NPAS2: variants seen among roughly 807,000 people sequenced by gnomAD.
The protein encoded by NPAS2 is neuronal PAS domain-containing protein 2.
A neutral mutation model predicts 107.5 loss-of-function variants in NPAS2; 23 were observed. That is an observed-to-expected ratio of 0.21 (90% CI 0.15 to 0.30). The LOEUF is 0.30. NPAS2 is among the 10% of genes least tolerant of loss of function. The pLI is 1.00. For missense variants in NPAS2, 756 were observed against 1,043.3 expected (o/e 0.72, Z 3.79); for synonymous variants, 403 against 417.5 (o/e 0.97, Z 0.42).
chr2:100,849,828 A>C lies in NPAS2; in HGVS notation c.-23+29414A>C, dbSNP rs144916255. Among the ~76,000 whole-genome samples, 421 of 152,218 alleles carry C rather than the reference A, an allele frequency of 2.8e-3. 5 individuals are homozygous for C. The highest frequency in any genetic ancestry group is 9.7e-3 in the African/African-American group (404 of 41,536). ...GTCCCACAGAGGTCCTATTGTCTGT[A>C]AGAATTTGATGTTGGCTAAAAGAGA... On this transcript the variant is annotated intron_variant, in intron 1 of 20. Transcript: ENST00000335681.
At chr2:100,950,841 C>G (rs564735121) in intron 7 of NPAS2, among the ~76,000 whole-genome samples, 1 of 152,296 alleles carries the variant, frequency 6.6e-6, no homozygotes, top group Admixed American at 6.5e-5. Flanking sequence ...AAGGCCTAAC[C>G]ATGCCTCATC....
At chr2:100,944,039 A>C (rs1674740590) in intron 5 of NPAS2, among the ~76,000 whole-genome samples, 1 of 152,126 alleles carries the variant, frequency 6.6e-6, no homozygotes, top group African/African-American at 2.4e-5. Flanking sequence ...TACTATTACA[A>C]AGTCAAAGCC....
At chr2:100,882,509 G>A (rs1284824676) in intron 1 of NPAS2, among the ~76,000 whole-genome samples, 2 of 152,198 alleles carry the variant, frequency 1.3e-5, no homozygotes, top group Non-Finnish European at 2.9e-5. Flanking sequence ...CTACTCGGGA[G>A]GCTGAGGCAG....
intron 5 of NPAS2, among the ~76,000 whole-genome samples, chr2:100,945,627 T>G (rs575283283): frequency 6.6e-6 from 1 of 152,048 alleles, no homozygotes; most frequent in African/African-American, 2.4e-5. Flanking sequence ...GGGCCCTGCT[T>G]CCCTGTGCAA....
At position 100,911,581 on chromosome 2, in the gene NPAS2, C is replaced by T. The variant is rs117875097; in HGVS notation, c.32+6795C>T. On this transcript the variant is annotated intron_variant, in intron 2 of 20. Transcript: ENST00000335681. ...TTAGAATCATACCACCTGGAGATAG[C>T]CACTGTTAATATTATAGCATATTCT... 1.4e-4 allele frequency among the ~76,000 whole-genome samples: 21 copies of T among 152,130 alleles called. No individual in the cohort carries two copies. The East Asian group carries it at 4.1e-3, about 29-fold the overall frequency.
At chr2:100,935,784 G>A (rs1387138198) in intron 4 of NPAS2, among the ~76,000 whole-genome samples, 2 of 152,116 alleles carry the variant, frequency 1.3e-5, no homozygotes, top group South Asian at 2.1e-4. Flanking sequence ...GGGCTTCATA[G>A]ATGACTTTAA....
At position 100,850,706 on chromosome 2, in the gene NPAS2, A is replaced by G. The variant is rs540703234; in HGVS notation, c.-23+30292A>G. The stretch of plus-strand genomic sequence containing the variant: ...GGTGGCTCATGCCTGTAATCCCAGC[A>G]CTTTAGGAGGCCGAGGTGGGAGGAT... On this transcript the variant is annotated intron_variant, in intron 1 of 20. Transcript: ENST00000335681. 1.4e-4 allele frequency among the ~76,000 whole-genome samples: 21 copies of G among 152,204 alleles called. 1 individual carries two copies. The highest frequency in any genetic ancestry group is 6.2e-4 in the South Asian group (3 of 4,816).
chr2:100,829,895 A>G (rs566990006), intron 1 of NPAS2, among the ~76,000 whole-genome samples: 1 of 152,288 alleles, frequency 6.6e-6, no homozygotes, highest in African/African-American at 2.4e-5. Flanking sequence ...TCATCCTTCT[A>G]CTTCCTCACT....
chr2:100,896,031 G>A (rs1459709519), intron 1 of NPAS2, among the ~76,000 whole-genome samples: 2 of 152,206 alleles, frequency 1.3e-5, no homozygotes, highest in Non-Finnish European at 2.9e-5. Context: ...AGTGGCCACA[G>A]TGTGAACAGA....
intron 4 of NPAS2, among the ~76,000 whole-genome samples, chr2:100,935,864 A>G (rs563043865): frequency 6.6e-6 from 1 of 152,308 alleles, no homozygotes; most frequent in Admixed American, 6.5e-5. Context: ...TGTAACTCAA[A>G]TCTAACCCAG....
At chr2:100,905,195 A>C (rs754172556) in intron 2 of NPAS2, among the ~76,000 whole-genome samples, 1 of 152,032 alleles carries the variant, frequency 6.6e-6, no homozygotes, top group Non-Finnish European at 1.5e-5. Context: ...GGATAATAAT[A>C]ATGATCATTG....
rs930759373 is a variant in NPAS2 at position 100,939,403 on chromosome 2, A to T, written c.363+1561A>T. On this transcript the variant is annotated intron_variant, in intron 5 of 20. Coordinates refer to ENST00000335681, the MANE Select transcript of NPAS2 (RefSeq NM_002518.4). ...GGGCTCTCTCCTCTTGATAGCCATC[A>T]GAAGTGGCTCATCCTCACTCGGCCT... 6.6e-5 allele frequency among the ~76,000 whole-genome samples: 10 copies of T among 152,218 alleles called. 1 individual carries two copies. Among genetic ancestry groups the T allele is most frequent in the South Asian group, 6.2e-4 (3 of 4,820 alleles).
At chr2:100,925,449 A>G (rs1042681688) in intron 3 of NPAS2, 155 bp downstream of exon 3, 4 of 718,228 alleles carry the variant, frequency 5.6e-6, no homozygotes, top group Non-Finnish European at 9.0e-6. Flanking sequence ...TCCACCCTCT[A>G]TCAGCCCGTC....
At chr2:100,937,946 G>A (rs1295666899) in intron 5 of NPAS2, 104 bp downstream of exon 5, 3 of 925,360 alleles carry the variant, frequency 3.2e-6, no homozygotes, top group Non-Finnish European at 5.4e-6. Flanking sequence ...GGGGGCTGCA[G>A]GTGAGAAGAG....
At position 100,820,356 on chromosome 2, in the gene NPAS2, C is replaced by A. The variant is rs1469523755; in HGVS notation, c.-81C>A. 1 of 147,368 alleles carries A rather than the reference C, an allele frequency of 6.8e-6. No individual in the cohort carries two copies. The highest frequency in any genetic ancestry group is 2.5e-5 in the African/African-American group (1 of 40,600). 9.1% of individuals were successfully genotyped at this position (147,368 alleles called of 1,614,324 possible). A position where few individuals can be genotyped will look rare whatever the true frequency, so the allele number is the denominator to read the frequency against. ...CTCGTCTCCCAGCGGCGGCGGGAGGCGCGTCTCCCCGGCCCAGTCCGCGCC... is the reference window on the plus strand; with the variant it reads ...CTCGTCTCCCAGCGGCGGCGGGAGGAGCGTCTCCCCGGCCCAGTCCGCGCC... On this transcript the variant is annotated 5_prime_UTR_variant, in exon 1 of 21. Transcript: ENST00000335681. The surrounding 1 kb of genome is among the most constrained non-coding windows in gnomAD (Gnocchi z 5.6).
intron 7 of NPAS2, among the ~76,000 whole-genome samples, chr2:100,960,869 C>T (rs911997980): frequency 2.0e-5 from 3 of 152,164 alleles, no homozygotes; most frequent in Admixed American, 6.5e-5. Context: ...CTGATAAACA[C>T]ATGTTGAGCA....
chr2:100,973,640 C>T (rs1384344577), intron 12 of NPAS2, among the ~76,000 whole-genome samples: 2 of 152,130 alleles, frequency 1.3e-5, no homozygotes, highest in Non-Finnish European at 2.9e-5. Flanking sequence ...CCACTGCAGC[C>T]GTGACACAAA....
chr2:100,926,087 T>C (rs1683542147), intron 3 of NPAS2, among the ~76,000 whole-genome samples: 1 of 152,232 alleles, frequency 6.6e-6, no homozygotes, highest in Non-Finnish European at 1.5e-5. Flanking sequence ...ATCTGTGTTT[T>C]AGCATGTGTG....
intron 12 of NPAS2, 110 bp from the exon 13 acceptor site, chr2:100,974,693 A>C: frequency 8.4e-7 from 1 of 1,196,682 alleles, no homozygotes; most frequent in South Asian, 1.5e-5. Flanking sequence ...CAACTATGGT[A>C]TTTGTCTCAG....
Sources: allele counts gnomAD v4.1 joint callset (sites outside exome capture counted in the v4.1 genomes callset), GRCh38; gene constraint gnomAD v4.1.1; non-coding constraint Gnocchi (gnomAD v3.1); transcripts MANE v1.5; gene names NCBI Gene and HGNC (gene_info 2026-07-23, HGNC 2026-07-21).